Variants in PAX9 observed in about 807,000 individuals in gnomAD.
PAX9 encodes the protein paired box 9, also known as paired box protein Pax-9.
Under a neutral mutation model 29.1 loss-of-function variants are expected in PAX9, and 6 were observed. The observed-to-expected ratio is 0.21, with a 90% CI of 0.11 to 0.41. The LOEUF (loss-of-function observed/expected upper bound fraction) is 0.41. PAX9 is among the 10% of genes least tolerant of loss of function. The pLI, the probability that PAX9 is intolerant of heterozygous loss-of-function variation, is 1.00. For missense variants in PAX9, 443 were observed against 479.1 expected, an observed-to-expected ratio of 0.92 and a Z score of 0.70; for synonymous variants, 217 against 211.7, an observed-to-expected ratio of 1.03 and a Z score of -0.22.
intron 3 of PAX9, among the ~76,000 whole-genome samples, chr14:36,674,354 C>T (rs764737956): frequency 4.5e-4 from 68 of 152,188 alleles, no homozygotes; most frequent in Non-Finnish European, 9.0e-4. Flanking sequence ...GTATGATATG[C>T]TACAGAGGAC....
chr14:36,676,413 C>T lies in PAX9; in HGVS notation c.987C>T (p.Ala329=). 6.2e-7 allele frequency: 1 copy of T among 1,614,066 alleles called. No homozygotes were observed. ...ASLAFKGMQA[A]REGSHSVTAS... is the part of the protein sequence containing the mutation. ...TGGCGTTCAAGGGAATGCAGGCAGC[C>T]AGAGAAGGTAGTCATTCTGTCACGG... Residue 329 remains alanine (A), a synonymous_variant, in exon 4 of 4, where the codon GCC becomes GCT. Transcript: ENST00000361487.
upstream of PAX9, among the ~76,000 whole-genome samples, chr14:36,660,223 C>T (rs1881205886): frequency 6.6e-6 from 1 of 152,174 alleles, no homozygotes; most frequent in African/African-American, 2.4e-5. Flanking sequence ...GAAGGCTCTC[C>T]TTGTGTAAAA....
chr14:36,678,725 T>C lies in PAX9; in HGVS notation c.*2273T>C. ...TCTTTATCTAAATTAAGAAATCTCT[T>C]GTTATTGTGCTATTTATAATTTTTT... On this transcript the variant is annotated 3_prime_UTR_variant, in exon 4 of 4. Transcript: ENST00000361487. The C allele has an allele frequency of 2.5e-6, 3 of 1,197,458 alleles. No individual in the cohort carries two copies. The highest frequency in any genetic ancestry group is 3.1e-6 in the Non-Finnish European group (3 of 960,890). The allele number at this position is 1,197,458 out of a possible 1,614,324, so 74.2% of individuals were successfully genotyped here.
At chr14:36,667,026 C>A (rs1427386119) in intron 3 of PAX9, among the ~76,000 whole-genome samples, 1 of 152,156 alleles carries the variant, frequency 6.6e-6, no homozygotes, top group Non-Finnish European at 1.5e-5. Context: ...CGCGCCTTCA[C>A]GCCCGCGAAA....
At chr14:36,675,761 G>C (rs1881862513) in intron 3 of PAX9, among the ~76,000 whole-genome samples, 1 of 152,112 alleles carries the variant, frequency 6.6e-6, no homozygotes, top group Non-Finnish European at 1.5e-5. Flanking sequence ...TACTGAAAAT[G>C]AAAGTTATAC....
Position 36,663,251 on chromosome 14 carries a change from T to C in PAX9, c.359T>C (p.Val120Ala). Residue 120 changes from valine (V) to alanine (A), a missense_variant, in exon 2 of 4, where the codon GTG becomes GCG. Transcript: ENST00000361487. ...TGCGACAAGTACAATGTGCCCTCCG[T>C]GAGCTCCATCAGCCGCATTCTGCGC... ...GVCDKYNVPSVSSISRILRNK... is the reference protein window; with the variant it reads ...GVCDKYNVPSASSISRILRNK... The C allele has an allele frequency of 6.2e-7, 1 of 1,614,138 alleles. No homozygotes were observed. Among genetic ancestry groups the C allele is most frequent in the Non-Finnish European group, 8.5e-7 (1 of 1,180,040 alleles).
chr14:36,659,452 T>C (rs1566463357), upstream of PAX9, among the ~76,000 whole-genome samples: 3 of 152,212 alleles, frequency 2.0e-5, no homozygotes, highest in East Asian at 5.8e-4. Context: ...CCGCTGACCC[T>C]GTCTGCAGCT....
Position 36,676,261 on chromosome 14 carries a change from A to T in PAX9, c.835A>T (p.Thr279Ser), listed in dbSNP as rs1881883911. 1 of 1,613,700 alleles carries T rather than the reference A, an allele frequency of 6.2e-7. No homozygotes were observed. The highest frequency in any genetic ancestry group is 1.1e-5 in the South Asian group (1 of 91,058). Residue 279 changes from threonine to serine, a missense_variant, in exon 4 of 4, where the codon ACC becomes TCC. Physicochemically the swap from Thr to Ser is moderately conservative, Grantham distance 58. Around this residue, in one of 2 missense-constraint regions of PAX9, gnomAD observed 336 missense variants for 317.2 expected, o/e 1.06. Transcript: ENST00000361487. ...AGCATCCAGCATGGCTCCTTACCCTACCCCAGCCCAAGTGTCGCCTTACAT... is the reference window on the plus strand; with the variant it reads ...AGCATCCAGCATGGCTCCTTACCCTTCCCCAGCCCAAGTGTCGCCTTACAT... ...VSASSMAPYP[T>S]PAQVSPYMTY...
At chr14:36,674,289 G>A (rs2139121057) in intron 3 of PAX9, among the ~76,000 whole-genome samples, 1 of 152,318 alleles carries the variant, frequency 6.6e-6, no homozygotes, top group South Asian at 2.1e-4. Context: ...TATCTCAAAA[G>A]ATGCACTAGT....
chr14:36,669,028 G>A (rs1881611717), intron 3 of PAX9, among the ~76,000 whole-genome samples: 1 of 152,056 alleles, frequency 6.6e-6, no homozygotes, highest in Admixed American at 6.6e-5. Flanking sequence ...CTAATCTTCT[G>A]CATTGCAATG....
At chr14:36,659,503 G>T (rs116772639), upstream of PAX9, among the ~76,000 whole-genome samples, 2,136 of 152,170 alleles carry the variant, frequency 0.014, 53 homozygotes, top group African/African-American at 0.047. Flanking sequence ...TCGGCTTGCC[G>T]CGGATACTTA....
At position 36,676,988 on chromosome 14, in the gene PAX9, T is replaced by TCA. The variant is rs1277771891; in HGVS notation, c.*536_*537insCA. ...TGACTTGTTTGAGTGATCCTTTGTT[T>TCA]AAGACATGACCTATTTTGTTGAAAA... On this transcript the variant is annotated 3_prime_UTR_variant, in exon 4 of 4. Transcript: ENST00000361487. 1 of 170,540 alleles carries TCA rather than the reference T, an allele frequency of 5.9e-6. No homozygotes were observed. Among genetic ancestry groups the TCA allele is most frequent in the Admixed American group, 5.5e-5 (1 of 18,310 alleles). 10.6% of individuals were successfully genotyped at this position (170,540 alleles called of 1,614,324 possible).
At chr14:36,675,680 A>G (rs1201223242) in intron 3 of PAX9, among the ~76,000 whole-genome samples, 2 of 152,204 alleles carry the variant, frequency 1.3e-5, no homozygotes, top group African/African-American at 4.8e-5. Context: ...AATATGGTCT[A>G]TATTTTCTTT....
rs1881987743 is a variant in PAX9, at chr14:36,678,072, A to G, written c.*1620A>G. The G allele has an allele frequency of 5.9e-6, 1 of 169,266 alleles. No individual in the cohort carries two copies. Among genetic ancestry groups the G allele is most frequent in the African/African-American group, 2.4e-5 (1 of 42,264 alleles). 10.5% of individuals were successfully genotyped at this position (169,266 alleles called of 1,614,324 possible). ...TTGGTACTAATTCTGTGCAATAACT[A>G]AAAGAGCACCTCACTGGATATGGAT... On this transcript the variant is annotated 3_prime_UTR_variant, in exon 4 of 4. Coordinates refer to ENST00000361487, the MANE Select transcript of PAX9 (RefSeq NM_001372076.1).
In PAX9 at chr14:36,677,847, A is replaced by G. The variant is rs1446525966; in HGVS notation, c.*1395A>G. The G allele has an allele frequency of 6.6e-6, 1 of 152,222 alleles. No homozygotes were observed. Among genetic ancestry groups the G allele is most frequent in the Non-Finnish European group, 1.5e-5 (1 of 68,048 alleles). 9.4% of individuals were successfully genotyped at this position (152,222 alleles called of 1,614,324 possible). Reference sequence around the variant, plus strand: ...TTTATTTTTCACTTTAATGTTAATAACAGTTGTGGAGTATATGTGTGTGTG... The same window carrying G: ...TTTATTTTTCACTTTAATGTTAATAGCAGTTGTGGAGTATATGTGTGTGTG... On this transcript the variant is annotated 3_prime_UTR_variant, in exon 4 of 4. Coordinates refer to ENST00000361487, the MANE Select transcript of PAX9 (RefSeq NM_001372076.1).
chr14:36,665,053 T>G (rs1270315638), intron 2 of PAX9, among the ~76,000 whole-genome samples: 1 of 151,626 alleles, frequency 6.6e-6, no homozygotes, highest in African/African-American at 2.4e-5. Context: ...GCCCACCGAC[T>G]GCCTTTTGTC....
At chr14:36,662,238 T>G in intron 1 of PAX9, 145 bp downstream of exon 1, 2 of 973,626 alleles carry the variant, frequency 2.1e-6, no homozygotes, top group East Asian at 5.4e-5. Context: ...TCCTACAAGT[T>G]GTAGGAACAC....
At chr14:36,666,858 C>T (rs1594469976) in intron 3 of PAX9, among the ~76,000 whole-genome samples, 1 of 152,148 alleles carries the variant, frequency 6.6e-6, no homozygotes, top group East Asian at 1.9e-4. Flanking sequence ...CGGCAGCTCC[C>T]CGGGGCGAGG....
At chr14:36,666,772 G>A (rs1339691767) in intron 3 of PAX9, among the ~76,000 whole-genome samples, 171 bp downstream of exon 3, 3 of 152,248 alleles carry the variant, frequency 2.0e-5, no homozygotes, top group Non-Finnish European at 4.4e-5. Context: ...AGAGGCCTGA[G>A]CCTTGGAAGG....
Sources: allele counts gnomAD v4.1 joint callset (sites outside exome capture counted in the v4.1 genomes callset), GRCh38; gene constraint gnomAD v4.1.1; regional missense constraint gnomAD v4.1.1; transcripts MANE v1.5; gene names NCBI Gene and HGNC (gene_info 2026-07-23, HGNC 2026-07-21).